TAFA1: variants seen among roughly 807,000 people sequenced by gnomAD.
TAFA1 encodes TAFA chemokine like family member 1.
TAFA1 carries 4 observed loss-of-function variants against 18.5 expected under a neutral mutation model. The ratio of observed to expected loss-of-function variants is 0.22; its 90% confidence interval spans 0.11 to 0.49. The LOEUF is 0.49. Among genes scored for constraint, TAFA1 ranks in the 20% least tolerant of loss-of-function variants. The pLI is 0.98. For missense variants in TAFA1, 147 were observed against 169.0 expected (o/e 0.87, Z 0.72); for synonymous variants, 56 against 55.2 (o/e 1.01, Z -0.06).
chr3:68,180,012 T>TTTTTTA (rs1553649124), intron 2 of TAFA1, among the ~76,000 whole-genome samples: 2,596 of 140,300 alleles, frequency 0.019, 93 homozygotes, highest in African/African-American at 0.06. Flanking sequence ...AACACATAAT[T>TTTTTTA]TTATTATTAT....
At chr3:68,154,872 A>G (rs943035136) in intron 2 of TAFA1, among the ~76,000 whole-genome samples, 1 of 152,218 alleles carries the variant, frequency 6.6e-6, no homozygotes, top group Non-Finnish European at 1.5e-5. Context: ...AAGAGAGCAT[A>G]GAAAGGCTTG....
At chr3:68,104,556 T>C (rs1311714275) in intron 2 of TAFA1, among the ~76,000 whole-genome samples, 2 of 152,094 alleles carry the variant, frequency 1.3e-5, no homozygotes, top group Non-Finnish European at 2.9e-5. Context: ...ATGAATTTTC[T>C]CTTTTTTGAG....
At chr3:68,394,953 T>A (rs2070344434) in intron 2 of TAFA1, among the ~76,000 whole-genome samples, 1 of 152,008 alleles carries the variant, frequency 6.6e-6, no homozygotes, top group African/African-American at 2.4e-5. Context: ...ACAAATGGGA[T>A]CTAATTAAAT....
At chr3:68,032,685 C>T (rs1704961443) in intron 2 of TAFA1, among the ~76,000 whole-genome samples, 1 of 152,096 alleles carries the variant, frequency 6.6e-6, no homozygotes, top group Non-Finnish European at 1.5e-5. Flanking sequence ...CTGCTTTTTC[C>T]CTCCCAGACT....
intron 2 of TAFA1, among the ~76,000 whole-genome samples, chr3:68,382,022 C>T (rs984353962): frequency 6.6e-6 from 1 of 151,468 alleles, no homozygotes; most frequent in Non-Finnish European, 1.5e-5. Flanking sequence ...GCCTTTCTAT[C>T]TCTATTGAGA....
intron 2 of TAFA1, among the ~76,000 whole-genome samples, chr3:68,202,544 A>G (rs1367599299): frequency 6.6e-6 from 1 of 151,602 alleles, no homozygotes; most frequent in African/African-American, 2.4e-5. Flanking sequence ...TTTATAACTT[A>G]TTTAGTGGTT....
intron 3 of TAFA1, among the ~76,000 whole-genome samples, chr3:68,471,928 T>C (rs1459280152): frequency 6.6e-6 from 1 of 152,192 alleles, no homozygotes; most frequent in Non-Finnish European, 1.5e-5. Flanking sequence ...TTGCTTTTGA[T>C]TTTACAGCCT....
chr3:68,222,375 T>C (rs1052794326), intron 2 of TAFA1, among the ~76,000 whole-genome samples: 1 of 152,208 alleles, frequency 6.6e-6, no homozygotes, highest in African/African-American at 2.4e-5. Context: ...GAAATAAGAA[T>C]TGGTCTTTTA....
At chr3:68,153,683 T>A (rs765443659) in intron 2 of TAFA1, among the ~76,000 whole-genome samples, 1 of 152,124 alleles carries the variant, frequency 6.6e-6, no homozygotes, top group Non-Finnish European at 1.5e-5. Context: ...GTCTGATGAA[T>A]CCATGGTGTT....
intron 2 of TAFA1, among the ~76,000 whole-genome samples, chr3:68,014,597 G>T (rs1704534575): frequency 6.6e-6 from 1 of 152,168 alleles, no homozygotes; most frequent in Admixed American, 6.5e-5. Context: ...AGATCCATGT[G>T]TTCCATAAAC....
At chr3:68,535,070 T>C (rs2073254724) in intron 3 of TAFA1, among the ~76,000 whole-genome samples, 1 of 152,138 alleles carries the variant, frequency 6.6e-6, no homozygotes, top group Admixed American at 6.6e-5. Context: ...ATTGAAATAT[T>C]AGGTGGGGTT....
chr3:68,120,168 TTTC>T (rs2065373035), intron 2 of TAFA1, among the ~76,000 whole-genome samples: 4 of 145,816 alleles, frequency 2.7e-5, no homozygotes, highest in African/African-American at 1.1e-4. Context: ...TTTCTCTTTC[TTTC>T]TCTTTCTTTC....
chr3:68,515,226 G>A (rs757842271), intron 3 of TAFA1, among the ~76,000 whole-genome samples: 2 of 152,244 alleles, frequency 1.3e-5, no homozygotes, highest in East Asian at 1.9e-4. Flanking sequence ...AAAAGGGTGG[G>A]TGGAAGCTGC....
intron 2 of TAFA1, among the ~76,000 whole-genome samples, chr3:68,014,897 G>A (rs543555012): frequency 4.6e-5 from 7 of 152,192 alleles, no homozygotes; most frequent in East Asian, 1.9e-4. Context: ...GAAATGTCAG[G>A]TGGGCCAAAT....
chr3:68,447,394 G>T (rs2071487967), intron 3 of TAFA1, among the ~76,000 whole-genome samples: 1 of 152,142 alleles, frequency 6.6e-6, no homozygotes, highest in African/African-American at 2.4e-5. Flanking sequence ...TCTGTCCACT[G>T]CAGTTCCCTC....
At chr3:68,511,252 G>A (rs1235986795) in intron 3 of TAFA1, among the ~76,000 whole-genome samples, 1 of 152,104 alleles carries the variant, frequency 6.6e-6, no homozygotes, top group Non-Finnish European at 1.5e-5. Flanking sequence ...ATAAGGCTCA[G>A]CCTTGGTGTG....
intron 2 of TAFA1, among the ~76,000 whole-genome samples, chr3:68,170,358 C>A (rs2066037099): frequency 6.6e-6 from 1 of 152,142 alleles, no homozygotes; most frequent in African/African-American, 2.4e-5. Flanking sequence ...TTTATACAAT[C>A]TGACTGAAAT....
In TAFA1 at chr3:68,058,132, A is replaced by G. The variant is rs367626299; in HGVS notation, c.118+51388A>G. Among the ~76,000 whole-genome samples, 5 of 152,208 alleles carry G rather than the reference A, an allele frequency of 3.3e-5. No homozygotes were observed. In the East Asian group the frequency reaches 5.8e-4, roughly 18 times the overall value. On this transcript the variant is annotated intron_variant, in intron 2 of 4. Transcript: ENST00000478136. ...TGATGTCTCTACTTCTGCTGGAACT[A>G]TAGTATAGATGCTAATAATCTAGTT...
intron 2 of TAFA1, among the ~76,000 whole-genome samples, chr3:68,273,000 GTTGTA>G (rs2067705983): frequency 6.6e-6 from 1 of 152,028 alleles, no homozygotes; most frequent in Non-Finnish European, 1.5e-5. Context: ...ATCCATGGGA[GTTGTA>G]TTTTAATTGG....
Sources: allele counts gnomAD v4.1 joint callset (sites outside exome capture counted in the v4.1 genomes callset), GRCh38; gene constraint gnomAD v4.1.1; transcripts MANE v1.5; gene names NCBI Gene and HGNC (gene_info 2026-07-23, HGNC 2026-07-21).